FHIT: variants seen among roughly 807,000 people sequenced by gnomAD.
FHIT encodes bis(5'-adenosyl)-triphosphatase.
A neutral mutation model predicts 17.9 loss-of-function variants in FHIT; 19 were observed. The ratio of observed to expected loss-of-function variants is 1.06; its 90% CI spans 0.74 to 1.56. The LOEUF (loss-of-function observed/expected upper bound fraction) is 1.56. Among genes scored for constraint, FHIT ranks in the 40% most tolerant of loss-of-function variants. FHIT has a pLI of 0.00. For missense variants in FHIT, 248 were observed against 189.2 expected, an observed-to-expected ratio of 1.31 and a Z score of -1.82; for synonymous variants, 81 against 69.7, an observed-to-expected ratio of 1.16 and a Z score of -0.81.
At chr3:61,007,093 AAC>A (rs1283262465) in intron 3 of FHIT, among the ~76,000 whole-genome samples, 1 of 152,212 alleles carries the variant, frequency 6.6e-6, no homozygotes, top group East Asian at 1.9e-4. Flanking sequence ...TGTTCATCCA[AAC>A]AGATAAAAAG....
chr3:59,938,438 T>A (rs1706349664), intron 7 of FHIT, among the ~76,000 whole-genome samples: 1 of 152,114 alleles, frequency 6.6e-6, no homozygotes, highest in Non-Finnish European at 1.5e-5. Flanking sequence ...CAGAGAATAG[T>A]AAGCAGCAGA....
intron 4 of FHIT, among the ~76,000 whole-genome samples, chr3:60,724,186 G>A (rs782540614): frequency 1.4e-4 from 22 of 152,060 alleles, no homozygotes; most frequent in South Asian, 2.1e-4. Flanking sequence ...AGTTTCTGCC[G>A]CTATGGATTT....
chr3:60,164,721 G>C (rs1044466934), intron 5 of FHIT, among the ~76,000 whole-genome samples: 6 of 152,140 alleles, frequency 3.9e-5, no homozygotes, highest in African/African-American at 1.4e-4. Flanking sequence ...CTACCACTGG[G>C]CTTGCCAGTG....
At chr3:60,028,810 T>C (rs1055917929) in intron 5 of FHIT, among the ~76,000 whole-genome samples, 8 of 152,190 alleles carry the variant, frequency 5.3e-5, no homozygotes, top group Non-Finnish European at 1.0e-4. Context: ...AAAGAATTTA[T>C]GATGCAGAAG....
At chr3:59,932,433 C>G (rs978653312) in intron 7 of FHIT, among the ~76,000 whole-genome samples, 2 of 152,078 alleles carry the variant, frequency 1.3e-5, no homozygotes, top group African/African-American at 4.8e-5. Context: ...CTTTGTAAAG[C>G]AAAGGAAGCA....
chr3:59,841,965 A>G (rs1260841705), intron 8 of FHIT, among the ~76,000 whole-genome samples: 1 of 152,150 alleles, frequency 6.6e-6, no homozygotes, highest in Non-Finnish European at 1.5e-5. Context: ...GACAATAAGT[A>G]CATTTACATT....
chr3:60,670,149 G>C (rs1288643806), intron 4 of FHIT, among the ~76,000 whole-genome samples: 1 of 152,070 alleles, frequency 6.6e-6, no homozygotes, highest in Non-Finnish European at 1.5e-5. Flanking sequence ...TTTCTATTCT[G>C]GGTTTCTAAT....
At chr3:60,516,059 G>C (rs1280771884) in intron 5 of FHIT, among the ~76,000 whole-genome samples, 2 of 152,170 alleles carry the variant, frequency 1.3e-5, no homozygotes, top group Non-Finnish European at 2.9e-5. Flanking sequence ...CTGAGACAAA[G>C]GAGTGGGGAA....
At chr3:60,912,840 G>C (rs923364952) in intron 3 of FHIT, 6 of 501,522 alleles carry the variant, frequency 1.2e-5, no homozygotes, top group Non-Finnish European at 2.4e-5. Flanking sequence ...AGCTATATAA[G>C]GTCACATTTT....
chr3:61,139,646 T>C (rs953268932), intron 2 of FHIT, among the ~76,000 whole-genome samples: 4 of 152,128 alleles, frequency 2.6e-5, no homozygotes, highest in Non-Finnish European at 5.9e-5. Context: ...CTCTATGAAT[T>C]TGAATAGCAG....
intron 8 of FHIT, among the ~76,000 whole-genome samples, chr3:59,864,688 C>A (rs143456980): frequency 6.6e-6 from 1 of 151,682 alleles, no homozygotes; most frequent in African/African-American, 2.4e-5. Flanking sequence ...TCATGTCATA[C>A]CCTCATGCAT....
At chr3:60,158,440 T>C (rs1700801482) in intron 5 of FHIT, among the ~76,000 whole-genome samples, 1 of 151,964 alleles carries the variant, frequency 6.6e-6, no homozygotes, top group Non-Finnish European at 1.5e-5. Flanking sequence ...GCCTCCTGAG[T>C]AACTAGGATT....
chr3:59,995,393 CTT>C (rs1699464009), intron 7 of FHIT, among the ~76,000 whole-genome samples: 1 of 152,052 alleles, frequency 6.6e-6, no homozygotes, highest in Admixed American at 6.6e-5. Flanking sequence ...TAAAGTCAAA[CTT>C]AGTCTCTTGA....
intron 5 of FHIT, among the ~76,000 whole-genome samples, chr3:60,451,365 T>A (rs2031731294): frequency 6.6e-6 from 1 of 152,136 alleles, no homozygotes; most frequent in Non-Finnish European, 1.5e-5. Flanking sequence ...CCCTCTTCTT[T>A]CAGACCTTCT....
chr3:60,164,538 T>G (rs1445877725), intron 5 of FHIT, among the ~76,000 whole-genome samples: 1 of 152,178 alleles, frequency 6.6e-6, no homozygotes, highest in African/African-American at 2.4e-5. Flanking sequence ...ACAGAGGCCC[T>G]TTTGACATTC....
intron 5 of FHIT, among the ~76,000 whole-genome samples, chr3:60,149,986 C>G (rs6414603): frequency 2.2e-5 from 1 of 44,848 alleles, no homozygotes; most frequent in Non-Finnish European, 4.1e-5. Context: ...ACCTTTAAGC[C>G]TTTTTTTTTT....
chr3:60,342,517 C>T (rs890780607), intron 5 of FHIT, among the ~76,000 whole-genome samples: 2 of 152,200 alleles, frequency 1.3e-5, no homozygotes, highest in Admixed American at 1.3e-4. Flanking sequence ...AATACATTCA[C>T]ATTATTGTGA....
intron 4 of FHIT, among the ~76,000 whole-genome samples, chr3:60,605,158 T>C (rs1396243721): frequency 6.6e-6 from 1 of 152,160 alleles, no homozygotes; most frequent in Non-Finnish European, 1.5e-5. Flanking sequence ...AATACTAATG[T>C]CCATGAACTG....
At chr3:60,821,409 C>T (rs1475740300) in intron 4 of FHIT, among the ~76,000 whole-genome samples, 1 of 152,228 alleles carries the variant, frequency 6.6e-6, no homozygotes, top group African/African-American at 2.4e-5. Context: ...AGGACTTCCT[C>T]TGACCATGAA....
Sources: allele counts gnomAD v4.1 joint callset (sites outside exome capture counted in the v4.1 genomes callset), GRCh38; gene constraint gnomAD v4.1.1; transcripts MANE v1.5; gene names NCBI Gene and HGNC (gene_info 2026-07-23, HGNC 2026-07-21).